The following RNF150 variants were observed in gnomAD, a reference collection of about 807,000 sequenced individuals.
RNF150 encodes ring finger protein 150.
Under a neutral mutation model 39.3 loss-of-function variants are expected in RNF150, and 24 were observed. The ratio of observed to expected loss-of-function variants is 0.61; its 90% CI spans 0.44 to 0.86. The LOEUF (loss-of-function observed/expected upper bound fraction) is 0.86, where lower values mean the gene tolerates loss of function less well. Among genes scored for constraint, RNF150 ranks in the 40% least tolerant of loss-of-function variants. The pLI is 0.00. For synonymous variants in RNF150, 255 were observed against 227.3 expected, an observed-to-expected ratio of 1.12 and a Z score of -1.10; for missense variants, 502 against 587.8, an observed-to-expected ratio of 0.85 and a Z score of 1.51.
At chr4:141,146,471 G>A (rs1425071022) in intron 1 of RNF150, among the ~76,000 whole-genome samples, 2 of 152,120 alleles carry the variant, frequency 1.3e-5, no homozygotes, top group Non-Finnish European at 1.5e-5. Context: ...CATAACATGA[G>A]CCAACTATTC....
chr4:141,171,365 G>A (rs1727717534), intron 1 of RNF150, among the ~76,000 whole-genome samples: 1 of 152,008 alleles, frequency 6.6e-6, no homozygotes, highest in Non-Finnish European at 1.5e-5. Flanking sequence ...CCCAATAGGG[G>A]ATTCTCTTTA....
intron 1 of RNF150, among the ~76,000 whole-genome samples, chr4:141,058,414 G>A (rs1360649962): frequency 6.6e-6 from 1 of 152,068 alleles, no homozygotes; most frequent in Non-Finnish European, 1.5e-5. Context: ...TTAAAATTGA[G>A]AATATGTGTA....
Position 141,200,156 on chromosome 4 carries a change from G to A in RNF150, c.-6+12638C>T, listed in dbSNP as rs147018226. 4.7e-3 allele frequency among the ~76,000 whole-genome samples: 712 copies of A among 152,298 alleles called. 3 individuals carry two copies. The highest frequency in any genetic ancestry group is 0.016 in the African/African-American group (663 of 41,550). On this transcript the variant is annotated intron_variant, in intron 1 of 7. Transcript: ENST00000420921. Reference sequence around the variant, plus strand: ...AAATTTATTTCTCACAGTTCTGGAGGCAGGAAGTCTGAGATCAGGGTGCTG... The same window carrying A: ...AAATTTATTTCTCACAGTTCTGGAGACAGGAAGTCTGAGATCAGGGTGCTG...
At chr4:141,000,010 AGAAGAAGAAGAAG>A (rs1560678948) in intron 1 of RNF150, among the ~76,000 whole-genome samples, 15 of 37,364 alleles carry the variant, frequency 4.0e-4, no homozygotes, top group South Asian at 2.0e-3. Context: ...AAGAAGAAGA[AGAAGAAGAAGAAG>A]AAGAAGAAGA....
intron 1 of RNF150, among the ~76,000 whole-genome samples, chr4:141,199,324 G>A (rs570781615): frequency 2.0e-5 from 3 of 152,290 alleles, no homozygotes; most frequent in African/African-American, 7.2e-5. Flanking sequence ...TTCTTATTAA[G>A]ACACACTTAC....
At chr4:140,982,144 ATCT>A (rs1450660577) in intron 1 of RNF150, among the ~76,000 whole-genome samples, 4 of 152,120 alleles carry the variant, frequency 2.6e-5, no homozygotes, top group African/African-American at 9.7e-5. Context: ...CAATGGCAAA[ATCT>A]TCTTTGATAT....
chr4:140,971,691 T>G (rs754126158), intron 1 of RNF150, among the ~76,000 whole-genome samples: 24 of 152,112 alleles, frequency 1.6e-4, no homozygotes, highest in Non-Finnish European at 3.1e-4. Context: ...TTGAGAGTGC[T>G]CCATTGCCAG....
At chr4:140,912,016 C>A (rs971500718) in intron 5 of RNF150, among the ~76,000 whole-genome samples, 2 of 152,306 alleles carry the variant, frequency 1.3e-5, no homozygotes, top group Non-Finnish European at 2.9e-5. Flanking sequence ...TATGGTGAGA[C>A]CCCCTTGTTC....
chr4:141,057,432 A>C (rs1175983646), intron 1 of RNF150, among the ~76,000 whole-genome samples: 1 of 152,078 alleles, frequency 6.6e-6, no homozygotes, highest in Admixed American at 6.6e-5. Flanking sequence ...TTTGGTGTAC[A>C]GATTGTTCTT....
intron 1 of RNF150, among the ~76,000 whole-genome samples, chr4:141,173,165 T>A (rs1479310798): frequency 6.6e-6 from 1 of 152,240 alleles, no homozygotes; most frequent in Non-Finnish European, 1.5e-5. Context: ...GTATTAGACA[T>A]CAGGTGTTTT....
At chr4:140,934,086 C>G (rs569225983) in intron 4 of RNF150, among the ~76,000 whole-genome samples, 2 of 152,352 alleles carry the variant, frequency 1.3e-5, no homozygotes, top group East Asian at 3.9e-4. Context: ...TCTAGGCTCA[C>G]TGCCACCTCC....
Position 140,918,554 on chromosome 4 carries a change from A to G in RNF150, c.988-7200T>C, listed in dbSNP as rs868194466. 8.5e-5 allele frequency among the ~76,000 whole-genome samples: 13 copies of G among 152,172 alleles called. No individual in the cohort carries two copies. The South Asian group carries it at 2.7e-3, about 32-fold the overall frequency. On this transcript the variant is annotated intron_variant, in intron 5 of 6. Transcript: ENST00000515673. ...TGTGGCAATAATCAATAGCTTACCA[A>G]CCAAAAAGAGTCCAGGTCCAGATGG...
rs1393796534 is a variant in RNF150 at position 141,164,346 on chromosome 4, A to G, written c.-6+48448T>C. Reference sequence around the variant, plus strand: ...ACGTTTGACTGGTATATGGAAAGTGACAGTCAGAATAGAACCAAATTAGAA... The same window carrying G: ...ACGTTTGACTGGTATATGGAAAGTGGCAGTCAGAATAGAACCAAATTAGAA... On this transcript the variant is annotated intron_variant, in intron 1 of 7. Transcript: ENST00000420921. Among the ~76,000 whole-genome samples, 4 of 152,164 alleles carry G rather than the reference A, an allele frequency of 2.6e-5. No homozygotes were observed. In the East Asian group the frequency reaches 5.8e-4, roughly 22 times the overall value.
chr4:140,992,749 C>G (rs554722724), intron 1 of RNF150, among the ~76,000 whole-genome samples: 1 of 152,162 alleles, frequency 6.6e-6, no homozygotes, highest in African/African-American at 2.4e-5. Flanking sequence ...TCTCCTCCCC[C>G]TTTCATGCTA....
intron 1 of RNF150, among the ~76,000 whole-genome samples, chr4:141,060,976 T>A (rs1737198222): frequency 6.6e-6 from 1 of 151,928 alleles, no homozygotes; most frequent in Non-Finnish European, 1.5e-5. Flanking sequence ...CATCACACAC[T>A]GGGGCCTTTT....
chr4:140,944,438 C>T (rs531900544), intron 4 of RNF150: 1 of 152,250 alleles, frequency 6.6e-6, no homozygotes, highest in Non-Finnish European at 1.5e-5. Context: ...GGGGCCTCAC[C>T]TTCATGTGCT....
chr4:141,140,523 G>A (rs555747051), intron 1 of RNF150, among the ~76,000 whole-genome samples: 5 of 152,198 alleles, frequency 3.3e-5, no homozygotes, highest in African/African-American at 7.2e-5. Flanking sequence ...TTTTCACATA[G>A]TTGTTCATTT....
At chr4:140,978,373 A>G (rs530319710) in intron 1 of RNF150, among the ~76,000 whole-genome samples, 1 of 152,294 alleles carries the variant, frequency 6.6e-6, no homozygotes, top group African/African-American at 2.4e-5. Context: ...AGATGCTAAC[A>G]ATAGCCAATT....
At chr4:140,911,051 T>C in intron 6 of RNF150, 93 bp downstream of exon 6, 1 of 963,806 alleles carries the variant, frequency 1.0e-6, no homozygotes, top group Admixed American at 2.0e-5. Flanking sequence ...ACTCATTCAA[T>C]ATTTTTTTCT....
Sources: allele counts gnomAD v4.1 joint callset (sites outside exome capture counted in the v4.1 genomes callset), GRCh38; gene constraint gnomAD v4.1.1; transcripts MANE v1.5; gene names NCBI Gene and HGNC (gene_info 2026-07-23, HGNC 2026-07-21).